The following STXBP5L variants were observed in gnomAD, a reference collection of about 807,000 sequenced individuals.
The protein encoded by STXBP5L is syntaxin-binding protein 5-like.
Under a neutral mutation model 144.5 loss-of-function variants are expected in STXBP5L, and 65 were observed. The ratio of observed to expected loss-of-function variants is 0.45; its 90% CI spans 0.37 to 0.55. STXBP5L has a LOEUF of 0.55. STXBP5L is among the 20% of genes least tolerant of loss of function. STXBP5L has a pLI of 0.00. For synonymous variants in STXBP5L, 505 were observed against 469.6 expected (o/e 1.08, Z -0.97); for missense variants, 1,298 against 1,405.5 (o/e 0.92, Z 1.22).
chr3:121,414,019 T>C (rs1057055132), intron 24 of STXBP5L, among the ~76,000 whole-genome samples: 3 of 152,184 alleles, frequency 2.0e-5, no homozygotes, highest in Non-Finnish European at 2.9e-5. Flanking sequence ...ACACTCTACT[T>C]TGGAGCATTG....
intron 20 of STXBP5L, among the ~76,000 whole-genome samples, chr3:121,377,980 T>A (rs925744692): frequency 1.3e-5 from 2 of 152,214 alleles, no homozygotes; most frequent in African/African-American, 4.8e-5. Flanking sequence ...CATGGAATAC[T>A]ATGCAGACAT....
chr3:121,356,217 C>G lies in STXBP5L; in HGVS notation c.2177-22499C>G, dbSNP rs1041413200. On this transcript the variant is annotated intron_variant, in intron 20 of 26. Transcript: ENST00000471454. ...ACGCCGTGCTGGGAGAAACACTGCTCTCTTCAGAGCTATCAGACAGGGACA... is the reference window on the plus strand; with the variant it reads ...ACGCCGTGCTGGGAGAAACACTGCTGTCTTCAGAGCTATCAGACAGGGACA... Among the ~76,000 whole-genome samples, 8 of 152,272 alleles carry G rather than the reference C, an allele frequency of 5.3e-5. No individual in the cohort carries two copies. The East Asian group carries it at 1.3e-3, about 26-fold the overall frequency.
At chr3:121,189,654 G>A (rs557614735) in intron 9 of STXBP5L, among the ~76,000 whole-genome samples, 33 of 152,244 alleles carry the variant, frequency 2.2e-4, no homozygotes, top group Middle Eastern at 3.4e-3. Context: ...GTCAGGTAGC[G>A]TGATGCCTCC....
intron 3 of STXBP5L, among the ~76,000 whole-genome samples, chr3:121,028,257 A>C (rs1946096316): frequency 6.6e-6 from 1 of 152,118 alleles, no homozygotes; most frequent in African/African-American, 2.4e-5. Context: ...ATAGATTATT[A>C]TGCTATTAAT....
rs571468371 is a variant in STXBP5L, at chr3:121,102,423, C to T, written c.471-12502C>T. ...AATAAAGCCACACACCTACAGCCAT[C>T]TGATCTTTGACAAAGTCAACAAAAA... On this transcript the variant is annotated intron_variant, in intron 5 of 26. Transcript: ENST00000471454. 3.9e-5 allele frequency among the ~76,000 whole-genome samples: 6 copies of T among 152,260 alleles called. No individual in the cohort carries two copies. The South Asian group carries it at 8.3e-4, about 21-fold the overall frequency.
intron 19 of STXBP5L, among the ~76,000 whole-genome samples, chr3:121,309,396 A>G (rs2043450878): frequency 6.6e-6 from 1 of 152,128 alleles, no homozygotes; most frequent in African/African-American, 2.4e-5. Flanking sequence ...GAATGTCACT[A>G]GAATAAAAAG....
intron 8 of STXBP5L, among the ~76,000 whole-genome samples, chr3:121,156,717 C>G (rs1055744998): frequency 2.6e-5 from 4 of 151,258 alleles, no homozygotes; most frequent in Non-Finnish European, 4.4e-5. Flanking sequence ...ATTTTAAAAA[C>G]AAAAAATAAT....
chr3:120,978,969 C>A (rs1941422134), intron 3 of STXBP5L, among the ~76,000 whole-genome samples: 1 of 152,170 alleles, frequency 6.6e-6, no homozygotes, highest in Admixed American at 6.5e-5. Context: ...GGGGTGCCTC[C>A]CAGTTATGCT....
chr3:121,054,095 G>T (rs558822049), intron 5 of STXBP5L, among the ~76,000 whole-genome samples: 84 of 152,182 alleles, frequency 5.5e-4, no homozygotes, highest in Middle Eastern at 3.4e-3. Flanking sequence ...GAAACAACAG[G>T]TGCTGGAGAG....
At chr3:121,037,273 G>A (rs988343479) in intron 3 of STXBP5L, among the ~76,000 whole-genome samples, 18 of 148,866 alleles carry the variant, frequency 1.2e-4, no homozygotes, top group African/African-American at 4.5e-4. Context: ...TTTTTTGAAA[G>A]GCTCTACTCT....
chr3:121,297,771 T>C (rs1233224601), intron 19 of STXBP5L, among the ~76,000 whole-genome samples: 1 of 152,086 alleles, frequency 6.6e-6, no homozygotes, highest in Non-Finnish European at 1.5e-5. Flanking sequence ...CAAAAGAATA[T>C]ATAGGAAAAG....
chr3:120,988,862 T>A (rs1942557210), intron 3 of STXBP5L, among the ~76,000 whole-genome samples: 1 of 152,096 alleles, frequency 6.6e-6, no homozygotes, highest in Admixed American at 6.6e-5. Context: ...TTTCACTCTC[T>A]ATGTTTATGT....
chr3:121,305,255 A>T (rs1172890945), intron 19 of STXBP5L, among the ~76,000 whole-genome samples: 1 of 152,178 alleles, frequency 6.6e-6, no homozygotes, highest in Non-Finnish European at 1.5e-5. Flanking sequence ...AAGTAACACC[A>T]ATCTTATGCA....
chr3:121,172,783 G>A (rs1193109520), intron 9 of STXBP5L, among the ~76,000 whole-genome samples: 2 of 152,306 alleles, frequency 1.3e-5, no homozygotes, highest in Admixed American at 6.5e-5. Context: ...GATTCCTCAA[G>A]GATCTAGAAC....
chr3:121,106,447 A>G (rs1178407467), intron 5 of STXBP5L, among the ~76,000 whole-genome samples: 1 of 151,994 alleles, frequency 6.6e-6, no homozygotes, highest in Non-Finnish European at 1.5e-5. Context: ...GTTGTTCCCC[A>G]TGTATTCTCA....
chr3:121,260,304 T>G (rs1445632611), intron 18 of STXBP5L, among the ~76,000 whole-genome samples: 1 of 152,116 alleles, frequency 6.6e-6, no homozygotes, highest in African/African-American at 2.4e-5. Context: ...TGTTTGCATA[T>G]TAGGGAAGTT....
At chr3:121,124,860 G>A (rs1014710081) in intron 7 of STXBP5L, among the ~76,000 whole-genome samples, 3 of 151,980 alleles carry the variant, frequency 2.0e-5, no homozygotes, top group Admixed American at 6.6e-5. Flanking sequence ...ATGCCTCCAC[G>A]ATTTCAGCAT....
At chr3:121,090,551 G>A (rs1474386598) in intron 5 of STXBP5L, among the ~76,000 whole-genome samples, 1 of 152,064 alleles carries the variant, frequency 6.6e-6, no homozygotes, top group Non-Finnish European at 1.5e-5. Flanking sequence ...CATGGCTTTT[G>A]CTCCTGTGGA....
chr3:121,105,974 A>G (rs2107796982), intron 5 of STXBP5L, among the ~76,000 whole-genome samples: 1 of 152,282 alleles, frequency 6.6e-6, no homozygotes, highest in South Asian at 2.1e-4. Context: ...TAAAGAATAT[A>G]AACAAATTCA....
Sources: gnomAD v4.1 joint callset for allele counts (sites outside exome capture counted in the v4.1 genomes callset) on GRCh38, gnomAD v4.1.1 for gene constraint, MANE v1.5 for transcripts, NCBI Gene and HGNC (gene_info 2026-07-23, HGNC 2026-07-21) for gene names.